The following CEP135 variants were observed in gnomAD, a reference collection of about 807,000 sequenced individuals.
CEP135 encodes centrosomal protein of 135 kDa.
CEP135 carries 142 observed loss-of-function variants against 157.3 expected under a neutral mutation model. That is an observed-to-expected ratio of 0.90 (90% CI 0.79 to 1.04). The LOEUF is 1.04. Ranked by LOEUF, CEP135 falls within the 50% of genes least tolerant of loss-of-function variation. CEP135 has a pLI of 0.00. For missense variants in CEP135, 1,317 were observed against 1,309.2 expected, an observed-to-expected ratio of 1.01 and a Z score of -0.09; for synonymous variants, 396 against 439.8, an observed-to-expected ratio of 0.90 and a Z score of 1.25.
rs141496219 is a variant in CEP135, at chr4:56,001,374, A to G, written c.2280+1729A>G. Among the ~76,000 whole-genome samples the G allele has an allele frequency of 1.8e-4, 27 of 152,268 alleles. No individual in the cohort carries two copies. The East Asian group carries it at 3.9e-3, about 22-fold the overall frequency. ...CATTTCCCCAACATTTTCTTCTAGTAGTTCCATAGTTTCAGGTCATAGATT... is the reference window on the plus strand; with the variant it reads ...CATTTCCCCAACATTTTCTTCTAGTGGTTCCATAGTTTCAGGTCATAGATT... On this transcript the variant is annotated intron_variant, in intron 17 of 25. Transcript: ENST00000257287.
rs5858359 is a variant in CEP135 at position 55,969,428 on chromosome 4, T to TA, written c.1110+320dup. Among the ~76,000 whole-genome samples, 242 of 129,120 alleles carry TA rather than the reference T, an allele frequency of 1.9e-3. 1 individual carries two copies. Among genetic ancestry groups the TA allele is most frequent in the Admixed American group, 2.8e-3 (36 of 12,742 alleles). The allele number at this position is 129,120 out of a possible 152,430, so 84.7% of individuals were successfully genotyped here. On this transcript the variant is annotated intron_variant, in intron 9 of 25. Coordinates refer to ENST00000257287, the MANE Select transcript of CEP135 (RefSeq NM_025009.5). ...GGCAACAAGAGCGAAACTCCATCTT[T>TA]AAAAAAAAAAAAAAAAAAAAGAAAA... is the stretch of plus-strand genomic sequence containing the variant.
At position 55,968,948 on chromosome 4, in the gene CEP135, G is replaced by T. The variant is rs2593086; in HGVS notation, c.1045-115G>T. 0.17 allele frequency: 110,743 copies of T among 658,772 alleles called. 11,770 individuals are homozygous for T. Among genetic ancestry groups the T allele is most frequent in the Admixed American group, 0.34 (10,003 of 29,628 alleles). The allele number at this position is 658,772 out of a possible 1,614,324, so 40.8% of individuals were successfully genotyped here. A position where few individuals can be genotyped will look rare whatever the true frequency, so the allele number is the denominator to read the frequency against. On this transcript the variant is annotated intron_variant, in intron 8 of 25. Coordinates refer to ENST00000257287, the MANE Select transcript of CEP135 (RefSeq NM_025009.5). ...TGAAATTGATAGGGATAAAGCCTCA[G>T]ATCTCACTGGTAAGAGGGAACGTGA...
chr4:55,995,740 A>G (rs551545324), intron 15 of CEP135, among the ~76,000 whole-genome samples: 6 of 152,220 alleles, frequency 3.9e-5, no homozygotes, highest in Non-Finnish European at 8.8e-5. Flanking sequence ...ATCCAGCTGT[A>G]GTTTGTCAAC....
rs1328837297 is a variant in CEP135 at position 55,949,076 on chromosome 4, G to T, written c.-46+17G>T. ...GAGCTGCCGGTGAGTCCGGATGTGG[G>T]AGCCAGAGGGCCAGCTGCGGCGGTG... On this transcript the variant is annotated intron_variant, in intron 1 of 25. Transcript: ENST00000257287. 2.0e-5 allele frequency: 3 copies of T among 153,346 alleles called. No homozygotes were observed. The highest frequency in any genetic ancestry group is 4.3e-5 in the Non-Finnish European group (3 of 68,968). The allele number at this position is 153,346 out of a possible 1,614,324, so 9.5% of individuals were successfully genotyped here.
chr4:55,962,322 G>T (rs1728707438), intron 6 of CEP135, among the ~76,000 whole-genome samples: 1 of 151,994 alleles, frequency 6.6e-6, no homozygotes, highest in Non-Finnish European at 1.5e-5. Flanking sequence ...GGATGGTATC[G>T]ATCTCCTGAC....
intron 14 of CEP135, among the ~76,000 whole-genome samples, chr4:55,991,318 C>CTTTTTTTTTTT (rs36216484): frequency 2.2e-4 from 30 of 133,572 alleles, no homozygotes; most frequent in Non-Finnish European, 2.6e-4. Context: ...CTGTTTTTTT[C>CTTTTTTTTTTT]TTTTTTTTTT....
chr4:56,015,440 G>A (rs1024412449), intron 21 of CEP135, among the ~76,000 whole-genome samples: 4 of 152,246 alleles, frequency 2.6e-5, no homozygotes, highest in African/African-American at 9.6e-5. Flanking sequence ...AGATGATGGA[G>A]CTACTGTCTG....
chr4:55,958,896 A>G (rs1465527647), intron 5 of CEP135, among the ~76,000 whole-genome samples: 2 of 152,122 alleles, frequency 1.3e-5, no homozygotes. Context: ...ACCAGCTTCG[A>G]CAATGTGGAA....
intron 21 of CEP135, 105 bp from the exon 22 acceptor site, chr4:56,017,543 T>A (rs1204752577): frequency 1.1e-6 from 1 of 950,774 alleles, no homozygotes; most frequent in African/African-American, 1.7e-5. Context: ...AAGCAAAAAT[T>A]GGCTGTCATA....
At chr4:55,999,064 A>C (rs1279732061) in intron 15 of CEP135, among the ~76,000 whole-genome samples, 4 of 152,218 alleles carry the variant, frequency 2.6e-5, no homozygotes, top group African/African-American at 9.6e-5. Flanking sequence ...AGAGCACACA[A>C]TTAATTTGAT....
In CEP135 at chr4:55,980,301, A is replaced by G. The variant is rs990642126; in HGVS notation, c.1626+6A>G. The G allele has an allele frequency of 6.8e-7, 1 of 1,474,984 alleles. No individual in the cohort carries two copies. The highest frequency in any genetic ancestry group is 9.4e-7 in the Non-Finnish European group (1 of 1,066,638). The allele number at this position is 1,474,984 out of a possible 1,614,324, so 91.4% of individuals were successfully genotyped here. The stretch of plus-strand genomic sequence containing the variant: ...TAAGTGTCTTATATAATGAAGTAAG[A>G]AATGTATTATAATTAAGCCAATAGA... On this transcript the variant is annotated splice_donor_region_variant and intron_variant, in intron 12 of 25. Transcript: ENST00000257287.
At chr4:55,969,572 T>C (rs1728956589) in intron 9 of CEP135, among the ~76,000 whole-genome samples, 1 of 152,222 alleles carries the variant, frequency 6.6e-6, no homozygotes, top group South Asian at 2.1e-4. Context: ...ATTTTGTGTC[T>C]GGATTCTTTT....
intron 14 of CEP135, among the ~76,000 whole-genome samples, chr4:55,987,969 C>G (rs963044641): frequency 8.6e-5 from 13 of 151,892 alleles, no homozygotes; most frequent in African/African-American, 3.1e-4. Flanking sequence ...AAAAGCATGA[C>G]AAATCCCAAG....
At chr4:55,963,019 C>T (rs1728731976) in intron 6 of CEP135, among the ~76,000 whole-genome samples, 2 of 152,026 alleles carry the variant, frequency 1.3e-5, no homozygotes, top group Non-Finnish European at 1.5e-5. Context: ...CTTCTGGTTT[C>T]GACTCCTTTA....
intron 15 of CEP135, among the ~76,000 whole-genome samples, chr4:55,995,117 G>T (rs1413138699): frequency 6.6e-6 from 1 of 152,150 alleles, no homozygotes; most frequent in African/African-American, 2.4e-5. Context: ...TTTAATTACA[G>T]CATTTAATGA....
chr4:56,023,495 C>T (rs552600477), intron 24 of CEP135, among the ~76,000 whole-genome samples: 1 of 151,184 alleles, frequency 6.6e-6, no homozygotes, highest in African/African-American at 2.4e-5. Flanking sequence ...TAAGTTCTAC[C>T]CTCCATAGTC....
intron 15 of CEP135, among the ~76,000 whole-genome samples, chr4:55,993,393 G>T (rs1450822048): frequency 1.3e-5 from 2 of 152,202 alleles, no homozygotes; most frequent in African/African-American, 4.8e-5. Flanking sequence ...ACCAAGAACT[G>T]GGTGTGTCTA....
intron 14 of CEP135, among the ~76,000 whole-genome samples, chr4:55,991,679 A>G (rs971122087): frequency 6.6e-6 from 1 of 151,892 alleles, no homozygotes; most frequent in African/African-American, 2.4e-5. Flanking sequence ...TTCCTGTTTC[A>G]TTGCTGTTAT....
chr4:56,001,642 C>T (rs1485420350), intron 17 of CEP135, among the ~76,000 whole-genome samples: 1 of 152,048 alleles, frequency 6.6e-6, no homozygotes, highest in Non-Finnish European at 1.5e-5. Context: ...CAATACCATG[C>T]TGATTGGATA....
Sources: gnomAD v4.1 joint callset for allele counts (sites outside exome capture counted in the v4.1 genomes callset) on GRCh38, gnomAD v4.1.1 for gene constraint, MANE v1.5 for transcripts, NCBI Gene and HGNC (gene_info 2026-07-23, HGNC 2026-07-21) for gene names.